The following LIN54 variants were observed in gnomAD, a reference collection of about 807,000 sequenced individuals.
LIN54 encodes protein lin-54 homolog.
LIN54 carries 9 observed loss-of-function variants against 78.7 expected under a neutral mutation model. That is an observed-to-expected ratio of 0.11 (90% CI 0.07 to 0.20). The LOEUF is 0.20. Among genes scored for constraint, LIN54 ranks in the 10% least tolerant of loss-of-function variants. LIN54 has a pLI of 1.00. For synonymous variants in LIN54, 269 were observed against 318.4 expected (o/e 0.84, Z 1.65); for missense variants, 573 against 889.9 (o/e 0.64, Z 4.53).
chr4:82,936,378 A>G lies in LIN54; in HGVS notation c.1608T>C (p.Tyr536=), dbSNP rs1722393518. The part of the protein sequence containing the change: ...NCTKSLCLKL[Y]CDCFANGEFC... ...ATTCACCATTTGCAAAGCAATCACA[A>G]TACCTGAAAGGTAAAAGTCAGTATA... Residue 536 remains tyrosine (Y), a synonymous_variant, in exon 10 of 13, where the codon TAT becomes TAC. Coordinates refer to ENST00000340417, the MANE Select transcript of LIN54 (RefSeq NM_194282.4). 2 of 1,537,396 alleles carry G rather than the reference A, an allele frequency of 1.3e-6. No homozygotes were observed. The highest frequency in any genetic ancestry group is 2.7e-5 in the African/African-American group (2 of 73,024).
intron 5 of LIN54, among the ~76,000 whole-genome samples, chr4:82,942,892 A>G: frequency 7.0e-6 from 1 of 142,374 alleles, no homozygotes; most frequent in African/African-American, 2.6e-5. Context: ...ACACACACAC[A>G]CCCTCCCTCC....
intron 1 of LIN54, among the ~76,000 whole-genome samples, chr4:83,001,794 G>A (rs1283962582): frequency 7.0e-6 from 1 of 143,332 alleles, no homozygotes; most frequent in Non-Finnish European, 1.5e-5. Flanking sequence ...CTTGCAGTGA[G>A]CGAAGATCGC....
At chr4:82,998,537 G>C (rs1728446260) in intron 1 of LIN54, among the ~76,000 whole-genome samples, 1 of 68,374 alleles carries the variant, frequency 1.5e-5, no homozygotes, top group Non-Finnish European at 3.3e-5. Flanking sequence ...CTCCGTCAGA[G>C]AAAGAAAAGA....
chr4:82,957,977 TATC>T (rs1370687282), intron 4 of LIN54, among the ~76,000 whole-genome samples: 5 of 152,220 alleles, frequency 3.3e-5, no homozygotes. Flanking sequence ...TGCACTTTTA[TATC>T]ACCTAGTCTA....
At chr4:83,003,170 C>T (rs1330149499) in intron 1 of LIN54, among the ~76,000 whole-genome samples, 1 of 152,092 alleles carries the variant, frequency 6.6e-6, no homozygotes, top group South Asian at 2.1e-4. Flanking sequence ...TGTGCCACCA[C>T]GCTTGGCTTA....
At chr4:82,992,675 C>T (rs773514357) in intron 1 of LIN54, among the ~76,000 whole-genome samples, 2 of 152,114 alleles carry the variant, frequency 1.3e-5, no homozygotes, top group African/African-American at 2.4e-5. Flanking sequence ...CTGCCTCAGC[C>T]CCGCAAGTAG....
In LIN54 at chr4:82,984,299, T is replaced by A. The variant is rs759494730; in HGVS notation, c.546A>T (p.Gln182His). 17 of 1,614,058 alleles carry A rather than the reference T, an allele frequency of 1.1e-5. No homozygotes were observed. The Admixed American group carries it at 2.8e-4, about 27-fold the overall frequency. The change falls in exon 2 of 13, where the codon CAA (glutamine) becomes CAT (histidine). Residue 182 changes from glutamine to histidine, a missense_variant. Physicochemically the swap from Gln to His is conservative, Grantham distance 24. Around this residue, in one of 6 missense-constraint regions of LIN54, gnomAD observed 183 missense variants for 228.4 expected, o/e 0.80. Transcript: ENST00000340417. ...TCCCTCCAATGGTAACTACTTTAATTTGCTGCGGTGGTAACTTAGCATCTC... is the reference window on the plus strand; with the variant it reads ...TCCCTCCAATGGTAACTACTTTAATATGCTGCGGTGGTAACTTAGCATCTC... ...QSGDAKLPPQ[Q>H]IKVVTIGGRP...
At chr4:82,997,098 C>A (rs1482792356) in intron 1 of LIN54, among the ~76,000 whole-genome samples, 1 of 152,084 alleles carries the variant, frequency 6.6e-6, no homozygotes, top group Non-Finnish European at 1.5e-5. Flanking sequence ...GAACCCCCAT[C>A]CCCTGTGCCT....
chr4:82,985,692 C>T (rs1727072684), intron 1 of LIN54, among the ~76,000 whole-genome samples: 1 of 152,210 alleles, frequency 6.6e-6, no homozygotes, highest in South Asian at 2.1e-4. Flanking sequence ...AGGCGCCTGC[C>T]ACCAAGCCGG....
chr4:82,994,586 G>C (rs888812630), intron 1 of LIN54, among the ~76,000 whole-genome samples: 1 of 151,976 alleles, frequency 6.6e-6, no homozygotes, highest in African/African-American at 2.4e-5. Flanking sequence ...TTTTAGTAGA[G>C]ACAGGGTTTC....
intron 4 of LIN54, among the ~76,000 whole-genome samples, chr4:82,962,412 T>TA (rs1447660805): frequency 6.6e-6 from 1 of 152,162 alleles, no homozygotes; most frequent in East Asian, 1.9e-4. Flanking sequence ...GGTATAAACT[T>TA]AAAAAAATTT....
At chr4:83,008,969 G>C (rs1455223232) in intron 1 of LIN54, among the ~76,000 whole-genome samples, 2 of 151,986 alleles carry the variant, frequency 1.3e-5, no homozygotes, top group Admixed American at 6.6e-5. Flanking sequence ...CAGCTATAAG[G>C]CATGGGTCAA....
chr4:82,931,167 A>C, intron 11 of LIN54, 22 bp from the exon 12 acceptor site: 2 of 1,607,690 alleles, frequency 1.2e-6, no homozygotes, highest in Non-Finnish European at 1.7e-6. Flanking sequence ...ACATAAGAAA[A>C]GTTTCCAAAT....
In LIN54 at chr4:82,998,318, A is replaced by G. The variant is rs879308663; in HGVS notation, c.-33+12166T>C. Reference sequence around the variant, plus strand: ...CCAGCACTTTGGGAGGCTGAGGCGGACAGATCACGAGGTCAGGAGTTCAAG... The same window carrying G: ...CCAGCACTTTGGGAGGCTGAGGCGGGCAGATCACGAGGTCAGGAGTTCAAG... On this transcript the variant is annotated intron_variant, in intron 1 of 12. Coordinates refer to ENST00000340417, the MANE Select transcript of LIN54 (RefSeq NM_194282.4). 5.1e-3 allele frequency among the ~76,000 whole-genome samples: 780 copies of G among 151,478 alleles called. 6 individuals are homozygous for G. The highest frequency in any genetic ancestry group is 7.5e-3 in the Non-Finnish European group (507 of 67,666).
At chr4:82,972,590 G>GA (rs1178095568) in intron 3 of LIN54, among the ~76,000 whole-genome samples, 3 of 152,062 alleles carry the variant, frequency 2.0e-5, no homozygotes, top group Non-Finnish European at 4.4e-5. Context: ...ATTCTGTTAA[G>GA]AAAAGAAATT....
intron 11 of LIN54, among the ~76,000 whole-genome samples, chr4:82,932,348 G>A (rs1455102361): frequency 5.3e-5 from 8 of 150,300 alleles, no homozygotes; most frequent in Admixed American, 1.3e-4. Context: ...CACCCGCCTC[G>A]GCCTCCCAAA....
intron 1 of LIN54, among the ~76,000 whole-genome samples, chr4:83,006,421 C>T (rs1729363947): frequency 6.7e-6 from 1 of 149,658 alleles, no homozygotes; most frequent in Non-Finnish European, 1.5e-5. Flanking sequence ...TGCACTTCAG[C>T]CTGAGTGACA....
chr4:83,007,359 G>A (rs533378701), intron 1 of LIN54, among the ~76,000 whole-genome samples: 158 of 152,174 alleles, frequency 1.0e-3, no homozygotes, highest in Non-Finnish European at 1.9e-3. Flanking sequence ...TCATGCTTAT[G>A]ATTAACATGA....
rs552333307 is a variant in LIN54 at position 83,010,818 on chromosome 4, A to G, written c.-367T>C. ...CCGGGCCGCCGCCGCCGCCGCCACC[A>G]CCAGTAACCTCCCCCTTCCTCCTCC... On this transcript the variant is annotated 5_prime_UTR_variant, in exon 1 of 13. Coordinates refer to ENST00000340417, the MANE Select transcript of LIN54 (RefSeq NM_194282.4). The G allele has an allele frequency of 1.5e-4, 186 of 1,232,888 alleles. 2 individuals are homozygous for G. The South Asian group carries it at 6.8e-3, about 45-fold the overall frequency. The allele number at this position is 1,232,888 out of a possible 1,614,324, so 76.4% of individuals were successfully genotyped here.
Sources: allele counts gnomAD v4.1 joint callset (sites outside exome capture counted in the v4.1 genomes callset), GRCh38; gene constraint gnomAD v4.1.1; regional missense constraint gnomAD v4.1.1; transcripts MANE v1.5; gene names NCBI Gene and HGNC (gene_info 2026-07-23, HGNC 2026-07-21).